The following FAM193A variants were observed in gnomAD, a reference collection of about 807,000 sequenced individuals.
FAM193A encodes protein FAM193A.
A neutral mutation model predicts 126.5 loss-of-function variants in FAM193A; 22 were observed. The observed-to-expected ratio is 0.17, with a 90% confidence interval of 0.12 to 0.25. The LOEUF is 0.25. Among genes scored for constraint, FAM193A ranks in the 10% least tolerant of loss-of-function variants. FAM193A has a pLI of 1.00. For synonymous variants in FAM193A, 761 were observed against 646.8 expected (o/e 1.18, Z -2.68); for missense variants, 1,675 against 1,672.8 (o/e 1.00, Z -0.02).
chr4:2,545,522 A>G (rs1737492833), intron 1 of FAM193A, among the ~76,000 whole-genome samples: 1 of 151,836 alleles, frequency 6.6e-6, no homozygotes, highest in Admixed American at 6.6e-5. Flanking sequence ...CTTTCTGTAC[A>G]TGTGTTTTGG....
rs557767801 is a variant in FAM193A, at chr4:2,549,457, C to T, written c.255+12287C>T. On this transcript the variant is annotated intron_variant, in intron 1 of 20. Transcript: ENST00000637812. ...TGTCGCCCAGGCTGGAGTGCAGTGG[C>T]GGGATCTCGGCTCACTGCAAGCTCC... 3.2e-5 allele frequency among the ~76,000 whole-genome samples: 4 copies of T among 125,248 alleles called. 1 individual carries two copies. Among genetic ancestry groups the T allele is most frequent in the Non-Finnish European group, 4.8e-5 (3 of 62,260 alleles). The allele number at this position is 125,248 out of a possible 152,430, so 82.2% of individuals were successfully genotyped here.
chr4:2,714,923 G>A (rs1719382270), intron 19 of FAM193A, among the ~76,000 whole-genome samples: 1 of 151,002 alleles, frequency 6.6e-6, no homozygotes, highest in African/African-American at 2.4e-5. Context: ...CCCCGCCCCA[G>A]CCCAGATGTG....
intron 2 of FAM193A, among the ~76,000 whole-genome samples, chr4:2,613,106 TGTAGTCAGTATATTAAAAACTTTA>T (rs1741975221): frequency 6.6e-6 from 1 of 152,182 alleles, no homozygotes; most frequent in Admixed American, 6.5e-5. Context: ...AGCATTGTTT[TGTAGTCAGTATATTAAAAACTTTA>T]GTAGTCAGTA....
chr4:2,682,699 G>A (rs1398452320), intron 13 of FAM193A, among the ~76,000 whole-genome samples: 1 of 152,212 alleles, frequency 6.6e-6, no homozygotes, highest in East Asian at 1.9e-4. Context: ...TTGCCCTGGA[G>A]TTTACAATAT....
intron 6 of FAM193A, among the ~76,000 whole-genome samples, chr4:2,640,192 G>A (rs756624164): frequency 3.3e-5 from 5 of 152,164 alleles, no homozygotes; most frequent in African/African-American, 4.8e-5. Flanking sequence ...TCTTGGACAT[G>A]TAGGGGAAAT....
intron 2 of FAM193A, among the ~76,000 whole-genome samples, chr4:2,613,286 C>T (rs2108947711): frequency 6.6e-6 from 1 of 151,668 alleles, no homozygotes; most frequent in Admixed American, 6.6e-5. Context: ...AAAATAAATA[C>T]ATTTTCCCAA....
At position 2,687,831 on chromosome 4, in the gene FAM193A, G is replaced by C. The variant is rs575756880; in HGVS notation, c.2332-1675G>C. 1.1e-4 allele frequency among the ~76,000 whole-genome samples: 17 copies of C among 152,310 alleles called. No homozygotes were observed. The South Asian group carries it at 3.3e-3, about 30-fold the overall frequency. ...CCCCTTCAGAACAAAGTGGTACAAA[G>C]TTGTCTTTGGCCTGGCTGCTGCCCA... On this transcript the variant is annotated intron_variant, in intron 13 of 20. Coordinates refer to ENST00000637812, the MANE Select transcript of FAM193A (RefSeq NM_001366318.2).
chr4:2,680,096 G>T (rs1714929705), intron 13 of FAM193A, among the ~76,000 whole-genome samples: 1 of 152,040 alleles, frequency 6.6e-6, no homozygotes, highest in Admixed American at 6.6e-5. Flanking sequence ...CCTGACCTCA[G>T]GTTATCCACC....
intron 7 of FAM193A, among the ~76,000 whole-genome samples, chr4:2,657,205 C>G (rs970734618): frequency 1.3e-5 from 2 of 148,696 alleles, no homozygotes; most frequent in Admixed American, 7.1e-5. Flanking sequence ...GTACCCATAT[C>G]CTTTCTCAAT....
chr4:2,730,219 C>T (rs1254431215), intron 20 of FAM193A, among the ~76,000 whole-genome samples: 1 of 151,514 alleles, frequency 6.6e-6, no homozygotes, highest in African/African-American at 2.4e-5. Flanking sequence ...CAGATCTCCT[C>T]TTTGGTGTCA....
chr4:2,693,210 C>T (rs1043707035), intron 15 of FAM193A, among the ~76,000 whole-genome samples: 8 of 151,854 alleles, frequency 5.3e-5, no homozygotes, highest in African/African-American at 1.2e-4. Context: ...AGTAGAGATG[C>T]GGTTTCACTG....
intron 1 of FAM193A, among the ~76,000 whole-genome samples, chr4:2,551,178 C>G (rs984260376): frequency 1.3e-5 from 2 of 152,168 alleles, no homozygotes; most frequent in African/African-American, 2.4e-5. Context: ...ATGTTTGTCA[C>G]TAGCTTTCTT....
chr4:2,624,855 T>G (rs1246438589), intron 2 of FAM193A, among the ~76,000 whole-genome samples: 3 of 152,134 alleles, frequency 2.0e-5, no homozygotes, highest in Non-Finnish European at 4.4e-5. Flanking sequence ...TTGTTTCCTT[T>G]TTGTATGTAT....
intron 1 of FAM193A, among the ~76,000 whole-genome samples, chr4:2,590,463 C>CAAAAAA (rs774897240): frequency 7.4e-5 from 1 of 13,562 alleles, no homozygotes; most frequent in Non-Finnish European, 1.4e-4. Context: ...GACTCCATCT[C>CAAAAAA]AAAAAAAAAA....
intron 1 of FAM193A, among the ~76,000 whole-genome samples, chr4:2,557,516 C>G (rs1210639593): frequency 6.6e-6 from 1 of 152,154 alleles, no homozygotes; most frequent in African/African-American, 2.4e-5. Flanking sequence ...CATTTAGCAG[C>G]CCAGAATTTT....
chr4:2,686,557 C>T (rs1715763694), intron 13 of FAM193A, among the ~76,000 whole-genome samples: 1 of 149,322 alleles, frequency 6.7e-6, no homozygotes, highest in African/African-American at 2.6e-5. Flanking sequence ...GGTGGTTTTG[C>T]AGAGGAGGTG....
intron 13 of FAM193A, among the ~76,000 whole-genome samples, chr4:2,679,375 CT>C (rs796366785): frequency 0.058 from 5,063 of 87,822 alleles, 85 homozygotes; most frequent in African/African-American, 0.085. Flanking sequence ...AGTTTTCTTT[CT>C]TTTTTTTTTT....
intron 2 of FAM193A, among the ~76,000 whole-genome samples, chr4:2,622,215 C>T (rs1318441864): frequency 7.1e-6 from 1 of 140,980 alleles, no homozygotes; most frequent in Non-Finnish European, 1.5e-5. Flanking sequence ...TGAGATTGCA[C>T]CACTGCACTC....
At position 2,564,430 on chromosome 4, in the gene FAM193A, G is replaced by A. The variant is rs184106113; in HGVS notation, c.255+27260G>A. On this transcript the variant is annotated intron_variant, in intron 1 of 20. Transcript: ENST00000637812. ...GGTCTAGTGGAAAAGGCTCTTGTCT[G>A]GGCTTCCATGAATGACTTCCATCAC... Among the ~76,000 whole-genome samples the A allele has an allele frequency of 2.0e-5, 3 of 152,176 alleles. No individual in the cohort carries two copies. In the East Asian group the frequency reaches 5.8e-4, roughly 29 times the overall value.
Sources: gnomAD v4.1 joint callset for allele counts (sites outside exome capture counted in the v4.1 genomes callset) on GRCh38, gnomAD v4.1.1 for gene constraint, MANE v1.5 for transcripts, NCBI Gene and HGNC (gene_info 2026-07-23, HGNC 2026-07-21) for gene names.